The following ZEB2 variants were observed in gnomAD, a reference collection of about 807,000 sequenced individuals.
ZEB2 encodes zinc finger E-box binding homeobox 2.
Under a neutral mutation model 99.9 loss-of-function variants are expected in ZEB2, and 6 were observed. That is an observed-to-expected ratio of 0.06 (90% CI 0.03 to 0.12). The LOEUF (loss-of-function observed/expected upper bound fraction) is 0.12, where lower values mean the gene tolerates loss of function less well. Among genes scored for constraint, ZEB2 ranks in the 10% least tolerant of loss-of-function variants. The probability of loss-of-function intolerance (pLI) is 1.00; values close to 1 mark genes in which losing one functional copy is unlikely to be tolerated. For synonymous variants in ZEB2, 517 were observed against 542.5 expected (o/e 0.95, Z 0.65); for missense variants, 969 against 1,502.8 (o/e 0.64, Z 5.87).
At chr2:144,424,708 A>G (rs1469830073) in intron 4 of ZEB2, 88 bp downstream of exon 4, 1 of 1,462,120 alleles carries the variant, frequency 6.8e-7, no homozygotes, top group Non-Finnish European at 9.6e-7. Context: ...TGGAGATACA[A>G]ATGGATGTGT....
Position 144,502,481 on chromosome 2 carries a change from G to A in ZEB2, c.73+14797C>T, listed in dbSNP as rs531516478. Among the ~76,000 whole-genome samples the A allele has an allele frequency of 8.5e-5, 13 of 152,192 alleles. No individual in the cohort carries two copies. The South Asian group carries it at 1.0e-3, about 12-fold the overall frequency. On this transcript the variant is annotated intron_variant, in intron 2 of 9. Coordinates refer to ENST00000627532, the MANE Select transcript of ZEB2 (RefSeq NM_014795.4). ...AGAGAAAATAAAGTACCTGATCCCA[G>A]GCCTTAGTCAGTCTTAGCTCCCTGT...
At chr2:144,503,893 T>A (rs1704910232) in intron 2 of ZEB2, 1 of 151,646 alleles carries the variant, frequency 6.6e-6, no homozygotes, top group African/African-American at 2.4e-5. Flanking sequence ...TTCAAAGGAG[T>A]ATCTCTTCAA....
intron 2 of ZEB2, among the ~76,000 whole-genome samples, chr2:144,453,842 T>C (rs1704085546): frequency 6.6e-6 from 1 of 152,160 alleles, no homozygotes; most frequent in African/African-American, 2.4e-5. Flanking sequence ...TAATAGCTAA[T>C]GAGAGAGAGG....
chr2:144,399,947 G>T lies in ZEB2; in HGVS notation c.1240C>A (p.Pro414Thr), dbSNP rs755425183. The T allele has an allele frequency of 1.9e-6, 3 of 1,614,186 alleles. No individual in the cohort carries two copies. The highest frequency in any genetic ancestry group is 1.1e-5 in the South Asian group (1 of 91,078). Residue 414 changes from proline to threonine, a missense_variant, in exon 8 of 10, where the codon CCC (proline) becomes ACC (threonine). Pro to Thr is a conservative substitution (Grantham distance 38, BLOSUM62 -1). This residue lies in a region of ZEB2 where 227 missense variants were observed against 278.2 expected (regional missense o/e 0.82). Transcript: ENST00000627532. This position sits in a 1 kb window ranked among gnomAD's most constrained non-coding sequence, Gnocchi z 5.6. Reference protein sequence around the residue: ...MATHGFSGTSPFMNGGLGATS... With the variant: ...MATHGFSGTSTFMNGGLGATS... ...GCTCCAAGCCCACCATTCATAAAGG[G>T]ACTAGTGCCACTAAACCCGTGTGTA...
chr2:144,424,093 A>G (rs16823685), intron 4 of ZEB2, among the ~76,000 whole-genome samples: 3,261 of 152,288 alleles, frequency 0.021, 118 homozygotes, highest in African/African-American at 0.075. Flanking sequence ...ATGTGAGAGA[A>G]GATGCCATTC....
intron 2 of ZEB2, among the ~76,000 whole-genome samples, chr2:144,491,357 GA>G (rs200783690): frequency 0.11 from 9,776 of 90,268 alleles, 461 homozygotes; most frequent in East Asian, 0.33. Flanking sequence ...CTTCTCAAGA[GA>G]AAAAAAAAAA....
chr2:144,501,441 A>G (rs1704868738), intron 2 of ZEB2, among the ~76,000 whole-genome samples: 2 of 152,212 alleles, frequency 1.3e-5, no homozygotes, highest in Admixed American at 1.3e-4. Context: ...GCTTCTTTTT[A>G]CACTCTATTC....
intron 2 of ZEB2, chr2:144,482,336 C>T (rs1704524924): frequency 6.6e-6 from 1 of 152,260 alleles, no homozygotes; most frequent in Non-Finnish European, 1.5e-5. Context: ...GTTCTCATCT[C>T]ATTCTACTTT....
At chr2:144,490,070 T>G (rs910814385) in intron 2 of ZEB2, among the ~76,000 whole-genome samples, 3 of 152,190 alleles carry the variant, frequency 2.0e-5, no homozygotes, top group Admixed American at 2.0e-4. Flanking sequence ...CTCAGTTTCC[T>G]GATCAGTAAG....
intron 2 of ZEB2, among the ~76,000 whole-genome samples, chr2:144,432,578 C>T (rs1703788348): frequency 2.0e-5 from 3 of 152,122 alleles, no homozygotes; most frequent in Admixed American, 6.6e-5. Flanking sequence ...CCCCATGCCC[C>T]GACTTCTAAA....
rs913120902 is a variant in ZEB2 at position 144,511,474 on chromosome 2, T to G, written c.73+5804A>C. On this transcript the variant is annotated intron_variant, in intron 2 of 9. Transcript: ENST00000627532. ...ACTCTGACATGACTGTCACACAAGA[T>G]AAAAGTATTTGGCACATAGCTATTA... 3.8e-5 allele frequency: 48 copies of G among 1,274,558 alleles called. No individual in the cohort carries two copies. In the African/African-American group the frequency reaches 7.1e-4, roughly 19 times the overall value. The allele number at this position is 1,274,558 out of a possible 1,614,324, so 79.0% of individuals were successfully genotyped here. A position where few individuals can be genotyped will look rare whatever the true frequency, so the allele number is the denominator to read the frequency against.
intron 2 of ZEB2, among the ~76,000 whole-genome samples, chr2:144,435,900 C>A (rs1050639963): frequency 6.6e-6 from 1 of 151,888 alleles, no homozygotes; most frequent in South Asian, 2.1e-4. Flanking sequence ...GTGACTCTTG[C>A]CCATCCGGGG....
At chr2:144,453,198 C>T (rs191177600) in intron 2 of ZEB2, among the ~76,000 whole-genome samples, 1 of 152,306 alleles carries the variant, frequency 6.6e-6, no homozygotes, top group East Asian at 1.9e-4. Context: ...CTTTCTTAAA[C>T]TGCTTGCTGG....
intron 2 of ZEB2, chr2:144,497,910 T>TATATTATATAATATATATTA (rs1704794469): frequency 6.1e-5 from 1 of 16,282 alleles, no homozygotes; most frequent in African/African-American, 2.6e-4. Flanking sequence ...TCTCAACATA[T>TATATTATATAATATATATTA]ATATTATATA....
chr2:144,465,449 G>C (rs1221968951), intron 2 of ZEB2, among the ~76,000 whole-genome samples: 2 of 152,140 alleles, frequency 1.3e-5, no homozygotes, highest in Non-Finnish European at 2.9e-5. Context: ...CCAGTCCTAT[G>C]TATGTACATT....
intron 2 of ZEB2, chr2:144,445,031 GTGT>G (rs1453995429): frequency 6.6e-6 from 1 of 152,126 alleles, no homozygotes; most frequent in Non-Finnish European, 1.5e-5. Flanking sequence ...TCACCTCTCT[GTGT>G]TCTTTTAAGT....
chr2:144,457,576 A>G (rs1394178555), intron 2 of ZEB2, among the ~76,000 whole-genome samples: 3 of 152,148 alleles, frequency 2.0e-5, no homozygotes, highest in African/African-American at 7.2e-5. Context: ...AACAAAGGCA[A>G]GGTCAAGAGC....
chr2:144,509,682 T>G (rs137944299), intron 2 of ZEB2, among the ~76,000 whole-genome samples: 329 of 152,044 alleles, frequency 2.2e-3, no homozygotes, highest in African/African-American at 7.8e-3. Flanking sequence ...TGGGAGAAAA[T>G]TATTGGTATC....
chr2:144,465,692 T>C (rs1390086635), intron 2 of ZEB2, among the ~76,000 whole-genome samples: 4 of 152,034 alleles, frequency 2.6e-5, no homozygotes, highest in South Asian at 2.1e-4. Flanking sequence ...ACAGTTAAAA[T>C]TGGAAGAAAA....
Sources: allele counts gnomAD v4.1 joint callset (sites outside exome capture counted in the v4.1 genomes callset), GRCh38; gene constraint gnomAD v4.1.1; regional missense constraint gnomAD v4.1.1; non-coding constraint Gnocchi (gnomAD v3.1); transcripts MANE v1.5; gene names NCBI Gene and HGNC (gene_info 2026-07-23, HGNC 2026-07-21).